Variants in TTC7B observed in about 807,000 individuals in gnomAD.
TTC7B encodes tetratricopeptide repeat protein 7B.
TTC7B carries 28 observed loss-of-function variants against 106.8 expected under a neutral mutation model. That is an observed-to-expected ratio of 0.26 (90% CI 0.19 to 0.36). The LOEUF (loss-of-function observed/expected upper bound fraction) is 0.36. Ranked by LOEUF, TTC7B falls within the 10% of genes least tolerant of loss-of-function variation. The pLI is 1.00. For synonymous variants in TTC7B, 405 were observed against 430.6 expected (o/e 0.94, Z 0.74); for missense variants, 862 against 1,076.4 (o/e 0.80, Z 2.79).
At chr14:90,662,934 AT>A (rs371956479) in intron 9 of TTC7B, among the ~76,000 whole-genome samples, 2 of 152,238 alleles carry the variant, frequency 1.3e-5, no homozygotes, top group African/African-American at 4.8e-5. Context: ...TTTACAAAAT[AT>A]TTACAGAACT....
intron 17 of TTC7B, chr14:90,605,606 G>A: frequency 7.8e-7 from 1 of 1,283,538 alleles, no homozygotes; most frequent in Non-Finnish European, 1.0e-6. Flanking sequence ...CAGAGAGAGG[G>A]TTCCCGGCGG....
chr14:90,724,642 C>A (rs535872214), intron 5 of TTC7B, among the ~76,000 whole-genome samples: 25 of 152,176 alleles, frequency 1.6e-4, no homozygotes, highest in Non-Finnish European at 2.4e-4. Flanking sequence ...ATCATGATTG[C>A]AAATTTCTTG....
intron 4 of TTC7B, among the ~76,000 whole-genome samples, chr14:90,735,737 T>C (rs1889498155): frequency 6.6e-6 from 1 of 151,506 alleles, no homozygotes; most frequent in African/African-American, 2.4e-5. Context: ...CTAAAGTCTA[T>C]AGAACAAAAA....
chr14:90,638,859 G>A (rs1885052517), intron 15 of TTC7B, among the ~76,000 whole-genome samples: 1 of 152,230 alleles, frequency 6.6e-6, no homozygotes, highest in South Asian at 2.1e-4. Flanking sequence ...CAATCACATG[G>A]GACTGGCACG....
intron 7 of TTC7B, among the ~76,000 whole-genome samples, chr14:90,681,274 T>C (rs550075713): frequency 1.7e-4 from 26 of 152,302 alleles, no homozygotes; most frequent in African/African-American, 6.3e-4. Context: ...CTAGAATCCT[T>C]TGAGCAGAAT....
intron 9 of TTC7B, 109 bp downstream of exon 9, chr14:90,676,414 G>T: frequency 1.5e-6 from 2 of 1,318,692 alleles, no homozygotes; most frequent in Non-Finnish European, 2.1e-6. Context: ...AGATCACATG[G>T]CTGCCACTAA....
At chr14:90,721,375 A>G (rs777796814) in intron 5 of TTC7B, among the ~76,000 whole-genome samples, 1 of 152,218 alleles carries the variant, frequency 6.6e-6, no homozygotes, top group Non-Finnish European at 1.5e-5. Flanking sequence ...TCGGAATTTC[A>G]TAATTAAAAT....
chr14:90,712,244 T>C (rs1024669168), intron 5 of TTC7B, among the ~76,000 whole-genome samples: 1 of 152,190 alleles, frequency 6.6e-6, no homozygotes, highest in Admixed American at 6.5e-5. Context: ...AATAAGGATG[T>C]CTGCTCTTGC....
intron 3 of TTC7B, 113 bp downstream of exon 3, chr14:90,780,625 T>C: frequency 7.7e-7 from 1 of 1,300,058 alleles, no homozygotes; most frequent in Non-Finnish European, 1.1e-6. Context: ...GCAGCCTTGC[T>C]GGGAACTGCC....
At chr14:90,691,601 G>A (rs1483461869) in intron 6 of TTC7B, among the ~76,000 whole-genome samples, 1 of 152,232 alleles carries the variant, frequency 6.6e-6, no homozygotes, top group Non-Finnish European at 1.5e-5. Flanking sequence ...GATCAAAGGA[G>A]AGAAAGGTGG....
intron 16 of TTC7B, among the ~76,000 whole-genome samples, chr14:90,615,662 C>G (rs147393126): frequency 2.0e-5 from 3 of 152,308 alleles, no homozygotes; most frequent in Non-Finnish European, 4.4e-5. Context: ...TTCCTTCAGG[C>G]TTTATGCTGT....
chr14:90,804,810 G>C (rs996332876), intron 1 of TTC7B, among the ~76,000 whole-genome samples: 4 of 152,224 alleles, frequency 2.6e-5, no homozygotes, highest in Non-Finnish European at 4.4e-5. Context: ...CAAGGGCCAG[G>C]GGGGTAGTTC....
chr14:90,633,572 A>G (rs1884795590), intron 15 of TTC7B, among the ~76,000 whole-genome samples: 1 of 152,224 alleles, frequency 6.6e-6, no homozygotes, highest in African/African-American at 2.4e-5. Flanking sequence ...TTTTTCTACA[A>G]ATGAATTTCA....
At chr14:90,790,371 G>T (rs1891544232) in intron 1 of TTC7B, among the ~76,000 whole-genome samples, 1 of 151,510 alleles carries the variant, frequency 6.6e-6, no homozygotes, top group East Asian at 1.9e-4. Context: ...CTTCTGAGTG[G>T]TAAGACTATC....
chr14:90,730,049 G>A, intron 5 of TTC7B, 26 bp downstream of exon 5: 2 of 1,589,064 alleles, frequency 1.3e-6, no homozygotes, highest in Non-Finnish European at 8.5e-7. Context: ...TTAGGAAGTG[G>A]ATTTAAAAAA....
intron 9 of TTC7B, among the ~76,000 whole-genome samples, chr14:90,673,826 G>A (rs1365701865): frequency 3.3e-5 from 5 of 152,098 alleles, no homozygotes; most frequent in Non-Finnish European, 5.9e-5. Context: ...TGTGAAAGAA[G>A]CCAGACACCA....
chr14:90,603,566 T>G (rs1892517538), intron 17 of TTC7B, among the ~76,000 whole-genome samples: 1 of 152,188 alleles, frequency 6.6e-6, no homozygotes, highest in South Asian at 2.1e-4. Context: ...ATGCAATGTA[T>G]TTTGTTTCCA....
At chr14:90,601,711 C>T (rs2037044687) in intron 17 of TTC7B, among the ~76,000 whole-genome samples, 1 of 152,212 alleles carries the variant, frequency 6.6e-6, no homozygotes, top group African/African-American at 2.4e-5. Context: ...CCTGCTGCTT[C>T]GCTCCAATCC....
At position 90,713,828 on chromosome 14, in the gene TTC7B, T is replaced by C. The variant is rs188181706; in HGVS notation, c.698+16247A>G. Among the ~76,000 whole-genome samples the C allele has an allele frequency of 1.1e-3, 165 of 152,338 alleles. 1 individual carries two copies. Among genetic ancestry groups the C allele is most frequent in the Non-Finnish European group, 1.5e-3 (103 of 68,036 alleles). On this transcript the variant is annotated intron_variant, in intron 5 of 19. Coordinates refer to ENST00000328459, the MANE Select transcript of TTC7B (RefSeq NM_001010854.2). The stretch of plus-strand genomic sequence containing the variant: ...TAAATAAATAAACAAAAATGTAGTA[T>C]ATCCATACAATGTAATAATAATGAC...
Sources: gnomAD v4.1 joint callset for allele counts (sites outside exome capture counted in the v4.1 genomes callset) on GRCh38, gnomAD v4.1.1 for gene constraint, MANE v1.5 for transcripts, NCBI Gene and HGNC (gene_info 2026-07-23, HGNC 2026-07-21) for gene names.